Variants in MEGF6 observed in about 807,000 individuals in gnomAD.
The protein encoded by MEGF6 is multiple EGF like domains 6, also known as multiple epidermal growth factor-like domains protein 6.
Under a neutral mutation model 207.1 loss-of-function variants are expected in MEGF6, and 184 were observed. That is an observed-to-expected ratio of 0.89 (90% CI 0.79 to 1.00). MEGF6 has a LOEUF of 1.00. Among genes scored for constraint, MEGF6 ranks in the 50% least tolerant of loss-of-function variants. The probability of loss-of-function intolerance (pLI) is 0.00; values close to 1 mark genes in which losing one functional copy is unlikely to be tolerated. For missense variants in MEGF6, 2,282 were observed against 2,202.9 expected, an observed-to-expected ratio of 1.04 and a Z score of -0.72; for synonymous variants, 1,038 against 910.0, an observed-to-expected ratio of 1.14 and a Z score of -2.53.
At position 3,512,013 on chromosome 1, in the gene MEGF6, C is replaced by G; in HGVS notation, c.969G>C (p.Gln323His). The G allele has an allele frequency of 6.2e-7, 1 of 1,612,340 alleles. No individual in the cohort carries two copies. Among genetic ancestry groups the G allele is most frequent in the Non-Finnish European group, 8.5e-7 (1 of 1,179,930 alleles). The change falls in exon 8 of 37, where the codon CAG (glutamine) becomes CAC (histidine). Residue 323 changes from glutamine to histidine, a missense_variant. Transcript: ENST00000356575. ...AGYELGADGR[Q>H]CYRIEMEIVN... Reference sequence around the variant, plus strand: ...TGCCGGCTGCCCACTCACGGTAGCACTGCCGGCCATCGGCGCCCAGCTCAT... The same window carrying G: ...TGCCGGCTGCCCACTCACGGTAGCAGTGCCGGCCATCGGCGCCCAGCTCAT...
At chr1:3,514,148 C>T (rs1418457018) in intron 7 of MEGF6, among the ~76,000 whole-genome samples, 4 of 150,736 alleles carry the variant, frequency 2.7e-5, no homozygotes, top group Non-Finnish European at 4.4e-5. Flanking sequence ...CTGGGGAGGC[C>T]AAGGCAAGAG....
At position 3,497,000 on chromosome 1, in the gene MEGF6, T is replaced by A. The variant is rs1234075624; in HGVS notation, c.3601A>T (p.Ser1201Cys). ...GGGCAGCACTCACGTTGCTGGCAGC[T>A]GGGGCCGTGGTAGCCAGCAGCACAT... ...CSCAAGYHGPSCQQRCPPGRY... is the reference protein window; with the variant it reads ...CSCAAGYHGPCCQQRCPPGRY... Residue 1201 changes from serine (S) to cysteine (C), a missense_variant, in exon 28 of 37, where the codon AGC becomes TGC. Ser to Cys is a moderately radical substitution (Grantham distance 112, BLOSUM62 -1). Coordinates refer to ENST00000356575, the MANE Select transcript of MEGF6 (RefSeq NM_001409.4). 1 of 1,549,974 alleles carries A rather than the reference T, an allele frequency of 6.5e-7. No homozygotes were observed. Among genetic ancestry groups the A allele is most frequent in the Non-Finnish European group, 8.7e-7 (1 of 1,147,428 alleles).
Position 3,573,920 on chromosome 1 carries a change from G to A in MEGF6, c.481+5905C>T, listed in dbSNP as rs143252841. Among the ~76,000 whole-genome samples, 16 of 152,226 alleles carry A rather than the reference G, an allele frequency of 1.1e-4. No homozygotes were observed. Among genetic ancestry groups the A allele is most frequent in the Middle Eastern group, 3.4e-3 (1 of 294 alleles). On this transcript the variant is annotated intron_variant, in intron 4 of 36. Transcript: ENST00000356575. The surrounding 1 kb of genome is among the most constrained non-coding windows in gnomAD (Gnocchi z 5.1). ...TTAGAAACAGTCGCCCTGAGCCAAC[G>A]CCAAGGGCTAAACGGGCTCAGGACA...
rs374440544 is a variant in MEGF6, at chr1:3,509,105, G to A, written c.1498C>T (p.Arg500Trp). The change falls in exon 12 of 37, where the codon CGG becomes TGG. Residue 500 changes from arginine (R) to tryptophan (W), a missense_variant. By Grantham distance (101) the Arg-to-Trp change is moderately radical. Coordinates refer to ENST00000356575, the MANE Select transcript of MEGF6 (RefSeq NM_001409.4). ...TTCTCTGTGAGCGTGTGTTCGCCCC[G>A]CAACTCTGCCTCTTCCTCATCGGCC... ...VGADEEEAEL[R>W]GEHTLTEKFV... The A allele has an allele frequency of 1.3e-5, 20 of 1,599,120 alleles. No individual in the cohort carries two copies. The highest frequency in any genetic ancestry group is 2.3e-5 in the East Asian group (1 of 43,906).
chr1:3,514,726 A>C, intron 6 of MEGF6, 54 bp from the exon 7 acceptor site: 5 of 1,498,198 alleles, frequency 3.3e-6, no homozygotes, highest in Non-Finnish European at 4.5e-6. Context: ...CAGTGGCTGC[A>C]GGGCGCCTGC....
Position 3,501,094 on chromosome 1 carries a change from A to G in MEGF6, c.2447T>C (p.Val816Ala). The change falls in exon 20 of 37, where the codon GTG becomes GCG. Residue 816 changes from valine to alanine, a missense_variant and splice_region_variant. Physicochemically the swap from Val to Ala is moderately conservative, Grantham distance 64. Coordinates refer to ENST00000356575, the MANE Select transcript of MEGF6 (RefSeq NM_001409.4). ...GGGACCATACCAGCCTGCTGGGCAC[A>G]CTACAGGCAGGCGAGAGAGGGTGAG... ...PGFVGSRCQD[V>A]CPAGWYGPSC... The G allele has an allele frequency of 6.2e-7, 1 of 1,612,676 alleles. No individual in the cohort carries two copies. The highest frequency in any genetic ancestry group is 8.5e-7 in the Non-Finnish European group (1 of 1,179,870).
intron 1 of MEGF6, 26 bp from the exon 2 acceptor site, chr1:3,602,626 C>G (rs372365662): frequency 1.9e-6 from 3 of 1,583,118 alleles, no homozygotes; most frequent in Non-Finnish European, 1.7e-6. Context: ...GGAGAGTCAG[C>G]GCCTCGGCCA....
At position 3,510,844 on chromosome 1, in the gene MEGF6, G is replaced by A. The variant is rs373379518; in HGVS notation, c.1173C>T (p.Gly391=). The A allele has an allele frequency of 1.1e-5, 17 of 1,611,132 alleles. No individual in the cohort carries two copies. The highest frequency in any genetic ancestry group is 3.3e-4 in the Middle Eastern group (2 of 6,042). Residue 391 remains glycine, a synonymous_variant, in exon 10 of 37, where the codon GGC becomes GGT. Transcript: ENST00000356575. ...CCQQVCTNNP[G]GYECGCYAGY... ...CGGCGTAGCAGCCGCACTCGTACCC[G>A]CCAGGGTTGTTGGTGCACACCTGCT...
rs766851341 is a variant in MEGF6 at position 3,524,192 on chromosome 1, G to A, written c.536C>T (p.Thr179Ile). ...GCACTCACAGAGGTAGGAGCCTGGG[G>A]TGTTCACGCACCGGTGCTGGCAGCC... The part of the protein sequence containing the change: ...NGGCQHRCVN[T>I]PGSYLCECKP... Residue 179 changes from threonine to isoleucine, a missense_variant, in exon 5 of 37, where the codon ACC (threonine) becomes ATC (isoleucine). Transcript: ENST00000356575. 1 of 1,613,002 alleles carries A rather than the reference G, an allele frequency of 6.2e-7. No homozygotes were observed. The highest frequency in any genetic ancestry group is 8.5e-7 in the Non-Finnish European group (1 of 1,179,900).
chr1:3,592,782 T>A (rs1020609121), intron 3 of MEGF6, among the ~76,000 whole-genome samples: 5 of 152,080 alleles, frequency 3.3e-5, no homozygotes, highest in Admixed American at 1.3e-4. Context: ...TCACAGGGAT[T>A]CCCCGGACCA....
At chr1:3,512,439 G>A (rs180766485) in intron 7 of MEGF6, among the ~76,000 whole-genome samples, 10 of 152,344 alleles carry the variant, frequency 6.6e-5, no homozygotes, top group East Asian at 1.9e-4. Context: ...GTGGCCATCC[G>A]GCGGGGGCCT....
At chr1:3,545,081 G>A (rs1187916140) in intron 4 of MEGF6, among the ~76,000 whole-genome samples, 1 of 152,122 alleles carries the variant, frequency 6.6e-6, no homozygotes, top group Non-Finnish European at 1.5e-5. Flanking sequence ...CTCTCCCTAG[G>A]ACACACAGGC....
chr1:3,615,268 C>T (rs1389129371), upstream of MEGF6, among the ~76,000 whole-genome samples: 2 of 150,992 alleles, frequency 1.3e-5, no homozygotes, highest in East Asian at 1.9e-4. Flanking sequence ...CACTTTCTGA[C>T]CCCCCAAGGA....
rs187052334 is a variant in MEGF6, at chr1:3,575,560, T to G, written c.481+4265A>C. On this transcript the variant is annotated intron_variant, in intron 4 of 36. Coordinates refer to ENST00000356575, the MANE Select transcript of MEGF6 (RefSeq NM_001409.4). The stretch of plus-strand genomic sequence containing the variant: ...GGGCAATTTACAAAAGAAAGAGGTT[T>G]AATGGACTTACAGTTCCACGTGGCT... Among the ~76,000 whole-genome samples the G allele has an allele frequency of 1.6e-3, 246 of 152,314 alleles. 2 individuals carry two copies. Among genetic ancestry groups the G allele is most frequent in the African/African-American group, 1.1e-3 (45 of 41,560 alleles).
At chr1:3,602,398 T>A in intron 2 of MEGF6, 68 bp downstream of exon 2, 12 of 1,605,968 alleles carry the variant, frequency 7.5e-6, no homozygotes, top group Non-Finnish European at 1.0e-5. Context: ...GCTGCCCAGC[T>A]CCCGGGTGGT....
chr1:3,595,765 C>T (rs910929793), intron 2 of MEGF6, among the ~76,000 whole-genome samples: 7 of 152,122 alleles, frequency 4.6e-5, no homozygotes, highest in Non-Finnish European at 5.9e-5. Context: ...TCCAGGCTGG[C>T]GTTGGGACGC....
At position 3,512,005 on chromosome 1, in the gene MEGF6, C is replaced by T. The variant is rs778144318; in HGVS notation, c.976+1G>A. The T allele has an allele frequency of 1.7e-5, 27 of 1,612,054 alleles. No individual in the cohort carries two copies. Among genetic ancestry groups the T allele is most frequent in the African/African-American group, 4.0e-5 (3 of 74,914 alleles). On this transcript the variant is annotated splice_donor_variant, in intron 8 of 36. Coordinates refer to ENST00000356575, the MANE Select transcript of MEGF6 (RefSeq NM_001409.4). LOFTEE classifies it high-confidence loss of function. ...CAGCCTGTTGCCGGCTGCCCACTCA[C>T]GGTAGCACTGCCGGCCATCGGCGCC...
At chr1:3,506,077 C>T (rs1288010859) in intron 15 of MEGF6, 31 bp downstream of exon 15, 2 of 1,567,556 alleles carry the variant, frequency 1.3e-6, no homozygotes, top group Admixed American at 3.7e-5. Context: ...CTGCCACCAC[C>T]ATGGACACTG....
At chr1:3,567,305 CCT>C (rs1161107104) in intron 4 of MEGF6, among the ~76,000 whole-genome samples, 1 of 152,224 alleles carries the variant, frequency 6.6e-6, no homozygotes, top group African/African-American at 2.4e-5. Flanking sequence ...CAGACCTGCC[CCT>C]GAGGCCACAG....
Sources: allele counts gnomAD v4.1 joint callset (sites outside exome capture counted in the v4.1 genomes callset), GRCh38; gene constraint gnomAD v4.1.1; non-coding constraint Gnocchi (gnomAD v3.1); transcripts MANE v1.5; gene names NCBI Gene and HGNC (gene_info 2026-07-23, HGNC 2026-07-21).